SGMS1: variants seen among roughly 807,000 people sequenced by gnomAD.
SGMS1 encodes the protein sphingomyelin synthase 1.
A neutral mutation model predicts 46.2 loss-of-function variants in SGMS1; 13 were observed. That is an observed-to-expected ratio of 0.28 (90% CI 0.18 to 0.45). The LOEUF (loss-of-function observed/expected upper bound fraction) is 0.45. Ranked by LOEUF, SGMS1 falls within the 20% of genes least tolerant of loss-of-function variation. The probability of loss-of-function intolerance (pLI) is 1.00; values close to 1 mark genes in which losing one functional copy is unlikely to be tolerated. For synonymous variants in SGMS1, 203 were observed against 187.8 expected (o/e 1.08, Z -0.66); for missense variants, 324 against 519.9 (o/e 0.62, Z 3.66).
At chr10:50,617,440 A>G (rs964605425) in intron 1 of SGMS1, among the ~76,000 whole-genome samples, 2 of 152,214 alleles carry the variant, frequency 1.3e-5, no homozygotes, top group East Asian at 1.9e-4. Flanking sequence ...AAGGGGCCCA[A>G]GGGCAATTTT....
chr10:50,531,444 T>C (rs1362813303), intron 2 of SGMS1, among the ~76,000 whole-genome samples: 2 of 152,136 alleles, frequency 1.3e-5, no homozygotes, highest in Non-Finnish European at 2.9e-5. Context: ...GAGCATACTG[T>C]TCAATAAACG....
intron 2 of SGMS1, among the ~76,000 whole-genome samples, chr10:50,569,985 G>A (rs982202797): frequency 6.6e-6 from 1 of 152,118 alleles, no homozygotes; most frequent in Non-Finnish European, 1.5e-5. Context: ...TCTTTTTCAA[G>A]GCCGCCTGCT....
chr10:50,419,167 C>T (rs920940451), intron 6 of SGMS1, among the ~76,000 whole-genome samples: 1 of 151,988 alleles, frequency 6.6e-6, no homozygotes, highest in Non-Finnish European at 1.5e-5. Context: ...ACATACATAC[C>T]ATCTGAAGAT....
chr10:50,428,015 A>ATG (rs1456495836), intron 6 of SGMS1, among the ~76,000 whole-genome samples: 16 of 151,532 alleles, frequency 1.1e-4, no homozygotes, highest in Non-Finnish European at 1.5e-4. Flanking sequence ...ATGTGTGTGT[A>ATG]TGTGTGTGTA....
chr10:50,494,554 C>G (rs1837594222), intron 3 of SGMS1, among the ~76,000 whole-genome samples: 1 of 152,152 alleles, frequency 6.6e-6, no homozygotes, highest in African/African-American at 2.4e-5. Context: ...CATGTTCTCA[C>G]TTGTAAGTGG....
chr10:50,525,691 G>C (rs932544898), intron 2 of SGMS1, among the ~76,000 whole-genome samples: 25 of 152,306 alleles, frequency 1.6e-4, no homozygotes, highest in African/African-American at 5.8e-4. Flanking sequence ...GTTTTGTCTA[G>C]GGAAAACAAG....
intron 6 of SGMS1, among the ~76,000 whole-genome samples, chr10:50,361,607 C>A (rs905494116): frequency 1.3e-5 from 2 of 152,202 alleles, no homozygotes. Flanking sequence ...TTCACTTGCT[C>A]TCTCATTCAT....
intron 2 of SGMS1, among the ~76,000 whole-genome samples, chr10:50,577,901 T>C (rs1588882410): frequency 6.6e-6 from 1 of 152,376 alleles, no homozygotes; most frequent in Non-Finnish European, 1.5e-5. Context: ...AGGGGACTTC[T>C]GTTATCTAAT....
chr10:50,452,686 A>C (rs1177240702), intron 5 of SGMS1, among the ~76,000 whole-genome samples: 1 of 152,210 alleles, frequency 6.6e-6, no homozygotes, highest in Non-Finnish European at 1.5e-5. Context: ...GAGAGAGAAA[A>C]GATAAAACCA....
At chr10:50,453,566 A>G (rs1473173886) in intron 5 of SGMS1, among the ~76,000 whole-genome samples, 1 of 151,552 alleles carries the variant, frequency 6.6e-6, no homozygotes, top group African/African-American at 2.4e-5. Flanking sequence ...AAAGAAGATG[A>G]TATCAAAAAT....
At chr10:50,372,018 C>T (rs1335731230) in intron 6 of SGMS1, among the ~76,000 whole-genome samples, 1 of 152,190 alleles carries the variant, frequency 6.6e-6, no homozygotes, top group African/African-American at 2.4e-5. Flanking sequence ...GGAACACATT[C>T]AAACCACCGC....
intron 6 of SGMS1, among the ~76,000 whole-genome samples, chr10:50,407,631 A>G (rs1193455065): frequency 2.0e-5 from 3 of 152,076 alleles, no homozygotes; most frequent in South Asian, 2.1e-4. Context: ...CCCGCCGTAA[A>G]TAAGAGTGGC....
intron 3 of SGMS1, chr10:50,474,055 G>C (rs1426329596): frequency 6.6e-6 from 1 of 152,268 alleles, no homozygotes; most frequent in Non-Finnish European, 1.5e-5. Flanking sequence ...CATGGGCCAA[G>C]TCTGCCACAG....
At chr10:50,451,310 G>A (rs543440347) in intron 5 of SGMS1, among the ~76,000 whole-genome samples, 1 of 152,130 alleles carries the variant, frequency 6.6e-6, no homozygotes, top group Non-Finnish European at 1.5e-5. Context: ...TGTTTACCAT[G>A]TTATGTTTCT....
intron 3 of SGMS1, among the ~76,000 whole-genome samples, chr10:50,517,849 C>T (rs1837819304): frequency 6.6e-6 from 1 of 151,806 alleles, no homozygotes; most frequent in Admixed American, 6.6e-5. Flanking sequence ...AAAATGAAAG[C>T]TATGGACAAT....
At chr10:50,348,307 T>C (rs776816360) in intron 6 of SGMS1, among the ~76,000 whole-genome samples, 2 of 152,072 alleles carry the variant, frequency 1.3e-5, no homozygotes, top group Non-Finnish European at 2.9e-5. Context: ...TGGAGTCCTA[T>C]AGGAAAAGGG....
chr10:50,599,823 A>G lies in SGMS1; in HGVS notation c.-683-9576T>C, dbSNP rs558924121. On this transcript the variant is annotated intron_variant, in intron 1 of 10. Coordinates refer to ENST00000361781, the MANE Select transcript of SGMS1 (RefSeq NM_147156.4). ...GGTTGCAGTGAGCCAAGATTGCACC[A>G]CTGCACCCCAGCCTGGGCGACAGAC... Among the ~76,000 whole-genome samples the G allele has an allele frequency of 5.3e-5, 8 of 152,318 alleles. No individual in the cohort carries two copies. The South Asian group carries it at 1.7e-3, about 32-fold the overall frequency.
At chr10:50,614,082 T>C (rs920992128) in intron 1 of SGMS1, among the ~76,000 whole-genome samples, 3 of 151,814 alleles carry the variant, frequency 2.0e-5, no homozygotes, top group African/African-American at 7.3e-5. Context: ...AATTCCTCCA[T>C]GGGGATAAGT....
At chr10:50,343,386 A>G (rs1847852212) in intron 7 of SGMS1, 106 bp downstream of exon 7, 1 of 1,264,504 alleles carries the variant, frequency 7.9e-7, no homozygotes, top group Non-Finnish European at 1.1e-6. Flanking sequence ...AAAAAATAGT[A>G]TGTTTTGATC....
Sources: allele counts gnomAD v4.1 joint callset (sites outside exome capture counted in the v4.1 genomes callset), GRCh38; gene constraint gnomAD v4.1.1; transcripts MANE v1.5; gene names NCBI Gene and HGNC (gene_info 2026-07-23, HGNC 2026-07-21).